The following PTPRT variants were observed in gnomAD, a reference collection of about 807,000 sequenced individuals.
PTPRT encodes protein tyrosine phosphatase receptor type T.
PTPRT carries 56 observed loss-of-function variants against 176.8 expected under a neutral mutation model. That is an observed-to-expected ratio of 0.32 (90% CI 0.26 to 0.40). The LOEUF (loss-of-function observed/expected upper bound fraction) is 0.40. PTPRT is among the 10% of genes least tolerant of loss of function. The pLI, the probability that PTPRT is intolerant of heterozygous loss-of-function variation, is 1.00. For missense variants in PTPRT, 1,540 were observed against 1,908.2 expected (o/e 0.81, Z 3.60); for synonymous variants, 783 against 739.0 (o/e 1.06, Z -0.96).
intron 7 of PTPRT, among the ~76,000 whole-genome samples, chr20:42,630,800 A>T (rs763322301): frequency 1.2e-4 from 18 of 152,142 alleles, no homozygotes; most frequent in Non-Finnish European, 2.5e-4. Context: ...CCATCATGAC[A>T]TCATGTCTGT....
intron 1 of PTPRT, among the ~76,000 whole-genome samples, chr20:43,083,223 T>C (rs2011486973): frequency 1.3e-5 from 2 of 149,546 alleles, no homozygotes; most frequent in South Asian, 4.2e-4. Context: ...TTATTGCTCA[T>C]TGTGAGTTAT....
At chr20:43,147,327 C>T (rs2014198440) in intron 1 of PTPRT, among the ~76,000 whole-genome samples, 2 of 152,158 alleles carry the variant, frequency 1.3e-5, no homozygotes, top group African/African-American at 4.8e-5. Context: ...AGCAACAGTA[C>T]TCCCCTCATA....
chr20:43,163,289 C>G (rs2014750664), intron 1 of PTPRT, among the ~76,000 whole-genome samples: 1 of 152,122 alleles, frequency 6.6e-6, no homozygotes, highest in African/African-American at 2.4e-5. Context: ...ACCCTTAATC[C>G]TAGGTGTGAT....
intron 1 of PTPRT, among the ~76,000 whole-genome samples, chr20:42,931,827 G>A (rs1979872018): frequency 6.6e-6 from 1 of 152,180 alleles, no homozygotes; most frequent in South Asian, 2.1e-4. Context: ...GTTAGCAGTG[G>A]GGAGGTAGGT....
intron 7 of PTPRT, among the ~76,000 whole-genome samples, chr20:42,592,168 G>C (rs2073591823): frequency 6.6e-6 from 1 of 150,916 alleles, no homozygotes; most frequent in South Asian, 2.1e-4. Flanking sequence ...TTTTGAGACG[G>C]GTTTCACCGT....
At chr20:43,086,222 A>C (rs1033749230) in intron 1 of PTPRT, among the ~76,000 whole-genome samples, 11 of 152,192 alleles carry the variant, frequency 7.2e-5, no homozygotes, top group African/African-American at 2.7e-4. Context: ...CCCGCTGTGA[A>C]TAGGTGCCTC....
chr20:42,351,997 C>A, intron 10 of PTPRT, 87 bp downstream of exon 10: 3 of 1,313,326 alleles, frequency 2.3e-6, no homozygotes, highest in Non-Finnish European at 3.2e-6. Flanking sequence ...CACAGGGTGA[C>A]AATTCAAGAA....
At chr20:42,538,902 T>G (rs903798177) in intron 7 of PTPRT, among the ~76,000 whole-genome samples, 1 of 152,330 alleles carries the variant, frequency 6.6e-6, no homozygotes, top group Non-Finnish European at 1.5e-5. Flanking sequence ...GAATCTTTGT[T>G]GCATTTTGGC....
chr20:42,116,019 A>G (rs1987262269), intron 21 of PTPRT: 1 of 719,268 alleles, frequency 1.4e-6, no homozygotes, highest in Non-Finnish European at 2.6e-6. Context: ...TTCCCCTTAA[A>G]AGAACAAAAG....
intron 9 of PTPRT, among the ~76,000 whole-genome samples, chr20:42,420,250 A>T (rs1420717333): frequency 1.3e-5 from 2 of 152,162 alleles, no homozygotes; most frequent in African/African-American, 4.8e-5. Flanking sequence ...ATGTAAACAC[A>T]TTTATCTGAG....
At chr20:42,549,051 A>G (rs1254219283) in intron 7 of PTPRT, among the ~76,000 whole-genome samples, 1 of 152,192 alleles carries the variant, frequency 6.6e-6, no homozygotes, top group Non-Finnish European at 1.5e-5. Flanking sequence ...AATCTGTTAT[A>G]CTTAGTCCAA....
intron 1 of PTPRT, among the ~76,000 whole-genome samples, chr20:42,913,277 C>T (rs1048929177): frequency 1.3e-5 from 2 of 152,178 alleles, no homozygotes; most frequent in African/African-American, 4.8e-5. Flanking sequence ...AGCTGGAAAT[C>T]AATGTGTCAG....
chr20:42,437,555 G>A (rs952937850), intron 9 of PTPRT, among the ~76,000 whole-genome samples: 2 of 152,316 alleles, frequency 1.3e-5, no homozygotes, highest in East Asian at 1.9e-4. Context: ...GACATGGTAT[G>A]TATGTATGTA....
At chr20:42,567,910 C>A (rs565311922) in intron 7 of PTPRT, among the ~76,000 whole-genome samples, 2 of 151,762 alleles carry the variant, frequency 1.3e-5, no homozygotes, top group South Asian at 4.2e-4. Flanking sequence ...ATAGTCAATT[C>A]AATGCCATCT....
At chr20:43,176,396 T>G (rs550609455) in intron 1 of PTPRT, among the ~76,000 whole-genome samples, 1 of 152,378 alleles carries the variant, frequency 6.6e-6, no homozygotes, top group East Asian at 1.9e-4. Flanking sequence ...CAAACAGACA[T>G]CACTTTTTAA....
At chr20:42,367,860 TG>T (rs1223934339) in intron 9 of PTPRT, among the ~76,000 whole-genome samples, 1 of 152,104 alleles carries the variant, frequency 6.6e-6, no homozygotes, top group Non-Finnish European at 1.5e-5. Flanking sequence ...CTGGGTGGCA[TG>T]GGGGCTGCTA....
intron 19 of PTPRT, among the ~76,000 whole-genome samples, chr20:42,126,024 G>GT (rs1195954469): frequency 7.9e-4 from 118 of 149,246 alleles, no homozygotes; most frequent in African/African-American, 2.7e-3. Flanking sequence ...GTGTCTGGGA[G>GT]TGGGGGGGGG....
chr20:42,345,843 G>T (rs1488548423), intron 11 of PTPRT, among the ~76,000 whole-genome samples: 1 of 152,092 alleles, frequency 6.6e-6, no homozygotes. Flanking sequence ...TGGTAAAGGG[G>T]CAGACGGAAA....
intron 22 of PTPRT, among the ~76,000 whole-genome samples, chr20:42,114,104 C>T (rs933650113): frequency 6.6e-6 from 1 of 152,238 alleles, no homozygotes; most frequent in Non-Finnish European, 1.5e-5. Context: ...CTTTTGCATC[C>T]TTAGGCCTGT....
Sources: allele counts gnomAD v4.1 joint callset (sites outside exome capture counted in the v4.1 genomes callset), GRCh38; gene constraint gnomAD v4.1.1; transcripts MANE v1.5; gene names NCBI Gene and HGNC (gene_info 2026-07-23, HGNC 2026-07-21).